Variants in CCDC63 observed in about 807,000 individuals in gnomAD.
CCDC63 encodes coiled-coil domain containing 63.
In CCDC63, 54 loss-of-function variants were observed where a neutral mutation model predicts 63.6. That is an observed-to-expected ratio of 0.85 (90% confidence interval 0.68 to 1.07). CCDC63 has a LOEUF of 1.07. CCDC63 is among the 50% of genes least tolerant of loss of function. The probability of loss-of-function intolerance (pLI) is 0.00; values close to 1 mark genes in which losing one functional copy is unlikely to be tolerated. For missense variants in CCDC63, 637 were observed against 689.6 expected (o/e 0.92, Z 0.86); for synonymous variants, 253 against 266.1 (o/e 0.95, Z 0.48).
intron 3 of CCDC63, among the ~76,000 whole-genome samples, chr12:110,853,903 C>T (rs1438829966): frequency 1.3e-5 from 2 of 152,216 alleles, no homozygotes; most frequent in Non-Finnish European, 2.9e-5. Flanking sequence ...TTCTCTCTCT[C>T]TCTGAATTTC....
chr12:110,870,162 A>G (rs951832694), intron 4 of CCDC63, among the ~76,000 whole-genome samples: 9 of 152,158 alleles, frequency 5.9e-5, no homozygotes, highest in South Asian at 2.1e-4. Context: ...GGCTCACTGC[A>G]ACCTCTACCT....
chr12:110,874,005 C>A, intron 5 of CCDC63, 44 bp downstream of exon 5: 1 of 1,572,306 alleles, frequency 6.4e-7, no homozygotes, highest in Non-Finnish European at 8.6e-7. Flanking sequence ...GCTCTGCCCA[C>A]GTTTGCTCAG....
Position 110,873,842 on chromosome 12 carries a change from A to G in CCDC63, c.370A>G (p.Ile124Val). ...KVLLAELDEK[I>V]LQMEKKIANQ... ...ATTTCTCTCTCTCTCTCTTTTTCAG[A>G]TTCTTCAGATGGAAAAAAAAATCGC... is the stretch of plus-strand genomic sequence containing the variant. Residue 124 changes from isoleucine to valine, a missense_variant and splice_region_variant, in exon 5 of 12, where the codon ATT (isoleucine) becomes GTT (valine). Physicochemically the swap from Ile to Val is conservative, Grantham distance 29 (BLOSUM62 3). Transcript: ENST00000308208. 6.2e-7 allele frequency: 1 copy of G among 1,611,964 alleles called. No homozygotes were observed. The highest frequency in any genetic ancestry group is 8.5e-7 in the Non-Finnish European group (1 of 1,179,468).
At chr12:110,878,720 C>G (rs577829076) in intron 5 of CCDC63, among the ~76,000 whole-genome samples, 1 of 152,144 alleles carries the variant, frequency 6.6e-6, no homozygotes, top group Non-Finnish European at 1.5e-5. Flanking sequence ...GATGCCCTTA[C>G]GAGGTGGTGA....
At chr12:110,899,311 T>G (rs1223151624) in intron 10 of CCDC63, among the ~76,000 whole-genome samples, 186 bp downstream of exon 10, 1 of 152,052 alleles carries the variant, frequency 6.6e-6, no homozygotes, top group East Asian at 1.9e-4. Flanking sequence ...AGCAGGTTTG[T>G]TTTTTGGTTT....
intron 4 of CCDC63, among the ~76,000 whole-genome samples, chr12:110,864,996 A>G (rs1298191944): frequency 6.6e-6 from 1 of 152,200 alleles, no homozygotes; most frequent in African/African-American, 2.4e-5. Flanking sequence ...CAGGAGATGT[A>G]CCCTGTCCTC....
chr12:110,853,793 T>C (rs370075532), intron 3 of CCDC63, among the ~76,000 whole-genome samples: 2 of 152,022 alleles, frequency 1.3e-5, no homozygotes, highest in African/African-American at 4.8e-5. Context: ...GAATGCAGGG[T>C]GTTTTGGGGA....
intron 8 of CCDC63, 90 bp downstream of exon 8, chr12:110,884,340 C>A: frequency 3.0e-6 from 3 of 1,005,714 alleles, no homozygotes; most frequent in Non-Finnish European, 3.1e-6. Flanking sequence ...CTGTGAGAGG[C>A]ACTACAGAAA....
chr12:110,881,162 A>AG lies in CCDC63; in HGVS notation c.721dup (p.Asp241GlyfsTer19), dbSNP rs750817037. ...GCTGCCATGAAAGACCGCCAGAAGAAGGACACCTCTCAGTACAACCTGGAG... is the reference window on the plus strand; with the variant it reads ...GCTGCCATGAAAGACCGCCAGAAGAAGGGACACCTCTCAGTACAACCTGGAG... On this transcript the variant is annotated frameshift_variant, in exon 7 of 12. Coordinates refer to ENST00000308208, the MANE Select transcript of CCDC63 (RefSeq NM_152591.3). LOFTEE classifies it high-confidence loss of function. 3.7e-6 allele frequency: 6 copies of AG among 1,612,738 alleles called. No individual in the cohort carries two copies. Among genetic ancestry groups the AG allele is most frequent in the Admixed American group, 3.3e-5 (2 of 59,920 alleles).
chr12:110,879,416 T>C lies in CCDC63; in HGVS notation c.490-490T>C, dbSNP rs141428176. 7.7e-4 allele frequency among the ~76,000 whole-genome samples: 117 copies of C among 152,324 alleles called. 1 individual carries two copies. The highest frequency in any genetic ancestry group is 5.1e-4 in the Non-Finnish European group (35 of 68,030). ...TGGGTATTTAATATCCCACAAAGCA[T>C]AGGACAGCCCCCTATAGCAAAGAAT... On this transcript the variant is annotated intron_variant, in intron 5 of 11. Coordinates refer to ENST00000308208, the MANE Select transcript of CCDC63 (RefSeq NM_152591.3).
chr12:110,858,054 C>T (rs546995433), intron 3 of CCDC63, among the ~76,000 whole-genome samples: 4 of 150,446 alleles, frequency 2.7e-5, no homozygotes, highest in South Asian at 2.1e-4. Flanking sequence ...TGCAGTGAGC[C>T]GAGATCATGC....
rs147876112 is a variant in CCDC63 at position 110,857,219 on chromosome 12, C to T, written c.180-1367C>T. The stretch of plus-strand genomic sequence containing the variant: ...GCAACTCACTGCAACCTCCGCCTCC[C>T]GGGTTCAAGCAATTCTCTGCCTCAG... On this transcript the variant is annotated intron_variant, in intron 3 of 11. Coordinates refer to ENST00000308208, the MANE Select transcript of CCDC63 (RefSeq NM_152591.3). Among the ~76,000 whole-genome samples the T allele has an allele frequency of 1.6e-3, 246 of 152,002 alleles. 1 individual carries two copies. Among genetic ancestry groups the T allele is most frequent in the Non-Finnish European group, 2.3e-3 (158 of 67,980 alleles).
intron 8 of CCDC63, among the ~76,000 whole-genome samples, chr12:110,888,330 A>C (rs1474245431): frequency 6.6e-6 from 1 of 152,206 alleles, no homozygotes; most frequent in Non-Finnish European, 1.5e-5. Flanking sequence ...ACCCCAGCTG[A>C]ATATCCTGAC....
intron 9 of CCDC63, among the ~76,000 whole-genome samples, chr12:110,898,342 G>A (rs1396849172): frequency 6.6e-6 from 1 of 151,392 alleles, no homozygotes; most frequent in Non-Finnish European, 1.5e-5. Flanking sequence ...AATATTGTAG[G>A]CTGGGCGTGG....
In CCDC63 at chr12:110,859,939, G is replaced by A. The variant is rs528966735; in HGVS notation, c.369+1164G>A. 4.6e-5 allele frequency among the ~76,000 whole-genome samples: 7 copies of A among 152,088 alleles called. No individual in the cohort carries two copies. In the East Asian group the frequency reaches 1.4e-3, roughly 29 times the overall value. ...TCCCCCACTCCCGCTTGTCCTTCAGGTCTCAACTTAAATGTGACTTTCTCA... is the reference window on the plus strand; with the variant it reads ...TCCCCCACTCCCGCTTGTCCTTCAGATCTCAACTTAAATGTGACTTTCTCA... On this transcript the variant is annotated intron_variant, in intron 4 of 11. Transcript: ENST00000308208.
intron 4 of CCDC63, among the ~76,000 whole-genome samples, chr12:110,859,237 T>A (rs1004903415): frequency 1.3e-5 from 2 of 152,036 alleles, no homozygotes; most frequent in African/African-American, 4.8e-5. Flanking sequence ...TTGCCAGGTA[T>A]TATGGGAAAG....
chr12:110,864,765 C>G (rs918513059), intron 4 of CCDC63, among the ~76,000 whole-genome samples: 1 of 152,070 alleles, frequency 6.6e-6, no homozygotes, highest in African/African-American at 2.4e-5. Flanking sequence ...CAGTGATGCT[C>G]TATCCCCTGG....
chr12:110,895,435 T>C (rs2071406566), intron 9 of CCDC63, among the ~76,000 whole-genome samples: 1 of 152,206 alleles, frequency 6.6e-6, no homozygotes, highest in Non-Finnish European at 1.5e-5. Flanking sequence ...TTGATAGCAA[T>C]AGACTCACAG....
At position 110,880,045 on chromosome 12, in the gene CCDC63, T is replaced by A. The variant is rs376720183; in HGVS notation, c.629T>A (p.Met210Lys). 4 of 1,613,972 alleles carry A rather than the reference T, an allele frequency of 2.5e-6. No homozygotes were observed. The highest frequency in any genetic ancestry group is 3.4e-6 in the Non-Finnish European group (4 of 1,179,986). The change falls in exon 6 of 12, where the codon ATG becomes AAG. Residue 210 changes from methionine to lysine, a missense_variant. Coordinates refer to ENST00000308208, the MANE Select transcript of CCDC63 (RefSeq NM_152591.3). Reference sequence around the variant, plus strand: ...TGCCTGTTGATGGAGAAGAAAACCATGAACTTGGCCATTGAGCAATCTTCT... The same window carrying A: ...TGCCTGTTGATGGAGAAGAAAACCAAGAACTTGGCCATTGAGCAATCTTCT... ...QHCLLMEKKT[M>K]NLAIEQSSQA...
Sources: allele counts gnomAD v4.1 joint callset (sites outside exome capture counted in the v4.1 genomes callset), GRCh38; gene constraint gnomAD v4.1.1; transcripts MANE v1.5; gene names NCBI Gene and HGNC (gene_info 2026-07-23, HGNC 2026-07-21).